The following MAP3K13 variants were observed in gnomAD, a reference collection of about 807,000 sequenced individuals.
The protein encoded by MAP3K13 is mitogen-activated protein kinase kinase kinase 13.
Under a neutral mutation model 104.0 loss-of-function variants are expected in MAP3K13, and 52 were observed. That is an observed-to-expected ratio of 0.50 (90% CI 0.40 to 0.63). MAP3K13 has a LOEUF of 0.63. Ranked by LOEUF, MAP3K13 falls within the 20% of genes least tolerant of loss-of-function variation. The pLI is 0.00. For missense variants in MAP3K13, 914 were observed against 1,218.5 expected (o/e 0.75, Z 3.72); for synonymous variants, 394 against 442.2 (o/e 0.89, Z 1.37).
intron 2 of MAP3K13, among the ~76,000 whole-genome samples, chr3:185,434,676 T>C (rs1283456505): frequency 1.3e-5 from 2 of 152,086 alleles, no homozygotes; most frequent in East Asian, 3.9e-4. Context: ...GAACACAAAC[T>C]AGGAGGGTAG....
At chr3:185,296,201 G>A (rs1056142076) in intron 2 of MAP3K13, among the ~76,000 whole-genome samples, 12 of 152,154 alleles carry the variant, frequency 7.9e-5, no homozygotes, top group Non-Finnish European at 1.6e-4. Flanking sequence ...CCATGATTGT[G>A]CCACTGCACT....
chr3:185,340,107 T>C (rs1722666115), intron 2 of MAP3K13, among the ~76,000 whole-genome samples: 1 of 152,090 alleles, frequency 6.6e-6, no homozygotes, highest in Non-Finnish European at 1.5e-5. Context: ...TTAGGTCTTG[T>C]TTTGGGTGGT....
intron 1 of MAP3K13, among the ~76,000 whole-genome samples, chr3:185,365,401 G>A (rs1194289660): frequency 6.6e-6 from 1 of 152,138 alleles, no homozygotes; most frequent in Non-Finnish European, 1.5e-5. Flanking sequence ...CATGTCCTGG[G>A]GAACTGTCAA....
At chr3:185,308,222 T>C (rs984520105) in intron 2 of MAP3K13, among the ~76,000 whole-genome samples, 2 of 152,072 alleles carry the variant, frequency 1.3e-5, no homozygotes, top group African/African-American at 4.8e-5. Context: ...AAACCTTTAA[T>C]GGGGTTGTAT....
intron 2 of MAP3K13, chr3:185,293,031 G>C (rs187268802): frequency 3.0e-4 from 296 of 985,130 alleles, no homozygotes; most frequent in Admixed American, 8.0e-4. Context: ...GTGTGTGAAC[G>C]TGTGTGTACT....
Position 185,482,711 on chromosome 3 carries a change from C to G in MAP3K13, c.*255C>G. 2.5e-6 allele frequency: 1 copy of G among 405,116 alleles called. No individual in the cohort carries two copies. 25.1% of individuals were successfully genotyped at this position (405,116 alleles called of 1,614,324 possible). A position where few individuals can be genotyped will look rare whatever the true frequency, so the allele number is the denominator to read the frequency against. The stretch of plus-strand genomic sequence containing the variant: ...GCAGGGATCTATTTTATTGAATATT[C>G]TAGCTACTGTAACATTGATATTTAT... On this transcript the variant is annotated 3_prime_UTR_variant, in exon 14 of 14. Coordinates refer to ENST00000265026, the MANE Select transcript of MAP3K13 (RefSeq NM_004721.5). The surrounding 1 kb of genome is among the most constrained non-coding windows in gnomAD (Gnocchi z 4.5).
At chr3:185,427,540 G>T (rs1282501561) in intron 1 of MAP3K13, among the ~76,000 whole-genome samples, 1 of 152,148 alleles carries the variant, frequency 6.6e-6, no homozygotes, top group Non-Finnish European at 1.5e-5. Context: ...TGTTACCCCA[G>T]ATTTGGTGCA....
chr3:185,430,396 A>G (rs1024051712), intron 2 of MAP3K13, among the ~76,000 whole-genome samples: 1 of 152,048 alleles, frequency 6.6e-6, no homozygotes, highest in Non-Finnish European at 1.5e-5. Context: ...TACTGTACAG[A>G]TTATTTCATC....
At chr3:185,367,424 G>A (rs554352774) in intron 1 of MAP3K13, among the ~76,000 whole-genome samples, 3 of 152,186 alleles carry the variant, frequency 2.0e-5, no homozygotes, top group South Asian at 2.1e-4. Context: ...GAAAATGAGC[G>A]AAAACATAGC....
chr3:185,372,287 C>T (rs749129513), intron 1 of MAP3K13, among the ~76,000 whole-genome samples: 43 of 152,188 alleles, frequency 2.8e-4, no homozygotes, highest in Non-Finnish European at 6.2e-4. Context: ...AGACATTTTA[C>T]GACTTTGCCA....
At chr3:185,454,625 A>AGATATATATAT in intron 7 of MAP3K13, among the ~76,000 whole-genome samples, 3 of 42,056 alleles carry the variant, frequency 7.1e-5, no homozygotes, top group African/African-American at 1.7e-4. Flanking sequence ...TATATATATG[A>AGATATATATAT]GATATATATA....
intron 3 of MAP3K13, among the ~76,000 whole-genome samples, chr3:185,440,888 CAT>C (rs551834840): frequency 7.9e-4 from 121 of 152,310 alleles, no homozygotes; most frequent in Admixed American, 2.9e-3. Context: ...AGCGATAAGA[CAT>C]AGAGAATTAC....
intron 2 of MAP3K13, among the ~76,000 whole-genome samples, chr3:185,298,523 A>G (rs1339934665): frequency 1.3e-5 from 2 of 152,190 alleles, no homozygotes; most frequent in Admixed American, 1.3e-4. Flanking sequence ...TATCCTAACT[A>G]ATTTAAAATA....
intron 7 of MAP3K13, among the ~76,000 whole-genome samples, chr3:185,458,186 T>C (rs1004210199): frequency 3.3e-5 from 5 of 151,984 alleles, no homozygotes; most frequent in Non-Finnish European, 5.9e-5. Flanking sequence ...CTGGGCAACA[T>C]GGCAAAACCA....
chr3:185,423,547 G>A lies in MAP3K13; in HGVS notation c.-85-4950G>A, dbSNP rs1714251845. ...GCACGAAAAGAACAGGGGAGGGGAGGCTGGAGTGGGTGGAATGGTGTCTGT... is the reference window on the plus strand; with the variant it reads ...GCACGAAAAGAACAGGGGAGGGGAGACTGGAGTGGGTGGAATGGTGTCTGT... On this transcript the variant is annotated intron_variant, in intron 1 of 13. Transcript: ENST00000265026. The surrounding 1 kb of genome is among the most constrained non-coding windows in gnomAD (Gnocchi z 4.1). 6.6e-6 allele frequency among the ~76,000 whole-genome samples: 1 copy of A among 152,170 alleles called. No homozygotes were observed. Among genetic ancestry groups the A allele is most frequent in the Non-Finnish European group, 1.5e-5 (1 of 68,026 alleles).
intron 1 of MAP3K13, among the ~76,000 whole-genome samples, chr3:185,396,955 A>G (rs532797658): frequency 6.6e-6 from 1 of 152,304 alleles, no homozygotes; most frequent in East Asian, 1.9e-4. Flanking sequence ...TATACGTGTC[A>G]TTGTTCTGTT....
In MAP3K13 at chr3:185,418,544, C is replaced by T. The variant is rs1713934151; in HGVS notation, c.-85-9953C>T. Reference sequence around the variant, plus strand: ...GAGCGGTGAGTCCCACCACCTCGAACTCTGGGAATTCGAGCCATAGCTCTG... The same window carrying T: ...GAGCGGTGAGTCCCACCACCTCGAATTCTGGGAATTCGAGCCATAGCTCTG... On this transcript the variant is annotated intron_variant, in intron 1 of 13. Coordinates refer to ENST00000265026, the MANE Select transcript of MAP3K13 (RefSeq NM_004721.5). This position sits in a 1 kb window ranked among gnomAD's most constrained non-coding sequence, Gnocchi z 4.5. 2 of 1,612,216 alleles carry T rather than the reference C, an allele frequency of 1.2e-6. No homozygotes were observed. The highest frequency in any genetic ancestry group is 8.5e-7 in the Non-Finnish European group (1 of 1,179,854).
chr3:185,395,353 A>ATGTC (rs1560083056), intron 1 of MAP3K13, among the ~76,000 whole-genome samples: 3 of 18,512 alleles, frequency 1.6e-4, no homozygotes, highest in African/African-American at 5.3e-4. Context: ...ATTCAATATT[A>ATGTC]TTTCTTTTTT....
chr3:185,385,055 T>C (rs1475465347), intron 1 of MAP3K13, among the ~76,000 whole-genome samples: 1 of 152,178 alleles, frequency 6.6e-6, no homozygotes, highest in Non-Finnish European at 1.5e-5. Flanking sequence ...TATTTTTTTC[T>C]AGTAGTTTTA....
Sources: allele counts gnomAD v4.1 joint callset (sites outside exome capture counted in the v4.1 genomes callset), GRCh38; gene constraint gnomAD v4.1.1; non-coding constraint Gnocchi (gnomAD v3.1); transcripts MANE v1.5; gene names NCBI Gene and HGNC (gene_info 2026-07-23, HGNC 2026-07-21).